SDK1: variants seen among roughly 807,000 people sequenced by gnomAD.
SDK1 encodes the protein protein sidekick-1.
Under a neutral mutation model 245.5 loss-of-function variants are expected in SDK1, and 157 were observed. The observed-to-expected ratio is 0.64, with a 90% confidence interval of 0.56 to 0.73. SDK1 has a LOEUF of 0.73. SDK1 is among the 30% of genes least tolerant of loss of function. The pLI, the probability that SDK1 is intolerant of heterozygous loss-of-function variation, is 0.00. For missense variants in SDK1, 3,583 were observed against 3,002.3 expected, an observed-to-expected ratio of 1.19 and a Z score of -4.52; for synonymous variants, 1,647 against 1,278.5, an observed-to-expected ratio of 1.29 and a Z score of -6.15.
chr7:3,651,316 A>G (rs1183543046), intron 4 of SDK1, among the ~76,000 whole-genome samples: 1 of 151,588 alleles, frequency 6.6e-6, no homozygotes, highest in Non-Finnish European at 1.5e-5. Flanking sequence ...TTAAATTTTC[A>G]CTTCTCTAAT....
At chr7:3,600,551 G>GTTTTTTT (rs368644982) in intron 1 of SDK1, among the ~76,000 whole-genome samples, 4 of 109,048 alleles carry the variant, frequency 3.7e-5, no homozygotes, top group African/African-American at 3.5e-5. Flanking sequence ...ATTAGATGTA[G>GTTTTTTT]TTTTTTTTTT....
chr7:3,347,464 A>G (rs777578630), intron 1 of SDK1, among the ~76,000 whole-genome samples: 15 of 152,244 alleles, frequency 9.9e-5, no homozygotes, highest in African/African-American at 3.4e-4. Context: ...CTTTTCACCT[A>G]TTCTCTGATT....
chr7:3,878,263 G>A (rs1175907526), intron 5 of SDK1, among the ~76,000 whole-genome samples: 3 of 152,196 alleles, frequency 2.0e-5, no homozygotes, highest in African/African-American at 7.2e-5. Context: ...GCTCACGCCT[G>A]TAATCCCAGC....
chr7:3,350,560 G>C (rs1162163732), intron 1 of SDK1, among the ~76,000 whole-genome samples: 1 of 152,088 alleles, frequency 6.6e-6, no homozygotes, highest in Non-Finnish European at 1.5e-5. Flanking sequence ...TTTTATAATT[G>C]ATTGTCTTTA....
chr7:3,812,126 AACAC>A (rs994106556), intron 4 of SDK1, among the ~76,000 whole-genome samples: 11 of 152,222 alleles, frequency 7.2e-5, no homozygotes, highest in African/African-American at 2.7e-4. Context: ...GGACAGTGTT[AACAC>A]ACACAGTAGG....
intron 1 of SDK1, among the ~76,000 whole-genome samples, chr7:3,569,680 T>C (rs910154903): frequency 1.3e-5 from 2 of 152,244 alleles, no homozygotes; most frequent in Admixed American, 6.5e-5. Context: ...CAGCCATGAC[T>C]ATAGAATTAT....
intron 26 of SDK1, among the ~76,000 whole-genome samples, chr7:4,127,781 C>T (rs1784488794): frequency 2.0e-5 from 3 of 152,266 alleles, no homozygotes; most frequent in African/African-American, 7.2e-5. Flanking sequence ...TCTGCCCTCG[C>T]TGGCCTCAGT....
intron 35 of SDK1, among the ~76,000 whole-genome samples, chr7:4,203,707 C>G (rs1050497972): frequency 2.6e-5 from 4 of 152,220 alleles, no homozygotes; most frequent in African/African-American, 4.8e-5. Context: ...TCCTGAAAGT[C>G]AGGTTCTCCT....
At chr7:3,549,049 G>C (rs939456597) in intron 1 of SDK1, among the ~76,000 whole-genome samples, 9 of 152,166 alleles carry the variant, frequency 5.9e-5, no homozygotes, top group African/African-American at 2.2e-4. Context: ...TGCATCCCTG[G>C]GAAGAACCTG....
intron 4 of SDK1, among the ~76,000 whole-genome samples, chr7:3,719,999 A>C (rs1785318371): frequency 6.6e-6 from 1 of 152,078 alleles, no homozygotes; most frequent in African/African-American, 2.4e-5. Context: ...AAGAAAGAAA[A>C]GGAAAACTCA....
At chr7:3,981,812 A>G (rs1783422043) in intron 13 of SDK1, among the ~76,000 whole-genome samples, 1 of 152,222 alleles carries the variant, frequency 6.6e-6, no homozygotes, top group South Asian at 2.1e-4. Context: ...TGTGAGATTT[A>G]AGGAAAGATG....
chr7:3,952,990 G>A (rs564624753), intron 7 of SDK1, among the ~76,000 whole-genome samples: 1 of 152,054 alleles, frequency 6.6e-6, no homozygotes, highest in African/African-American at 2.4e-5. Context: ...CCTGTGTTCC[G>A]CAGTGGTAGC....
intron 4 of SDK1, among the ~76,000 whole-genome samples, chr7:3,687,142 A>G (rs191680325): frequency 4.6e-5 from 7 of 151,106 alleles, no homozygotes; most frequent in Admixed American, 4.6e-4. Context: ...ACAAATGAAA[A>G]ATTATGTTCA....
chr7:4,142,505 T>C (rs949135569), intron 28 of SDK1, among the ~76,000 whole-genome samples: 14 of 152,142 alleles, frequency 9.2e-5, no homozygotes, highest in African/African-American at 3.1e-4. Flanking sequence ...ATTTTTGTAT[T>C]TTTAGTAGAG....
chr7:3,511,669 A>G (rs1173916860), intron 1 of SDK1, among the ~76,000 whole-genome samples: 1 of 152,098 alleles, frequency 6.6e-6, no homozygotes, highest in Non-Finnish European at 1.5e-5. Context: ...TTATTTTAAA[A>G]ATCCTTTATT....
intron 22 of SDK1, among the ~76,000 whole-genome samples, chr7:4,089,314 G>A (rs1047456188): frequency 1.3e-5 from 2 of 152,218 alleles, no homozygotes; most frequent in African/African-American, 2.4e-5. Context: ...CCCAGACCCC[G>A]ACTCAGTTCA....
intron 1 of SDK1, among the ~76,000 whole-genome samples, chr7:3,518,671 C>CAA (rs541849240): frequency 3.3e-5 from 5 of 149,480 alleles, no homozygotes; most frequent in African/African-American, 1.2e-4. Flanking sequence ...ATTAAAAAGA[C>CAA]AAAAAAAAAC....
intron 14 of SDK1, among the ~76,000 whole-genome samples, chr7:4,004,893 TTG>T (rs1785345268): frequency 6.6e-6 from 1 of 151,992 alleles, no homozygotes; most frequent in African/African-American, 2.4e-5. Flanking sequence ...ACTGGTTGTT[TTG>T]TGTCTCACTG....
chr7:4,010,752 C>T (rs1268875913), intron 14 of SDK1, among the ~76,000 whole-genome samples: 2 of 152,132 alleles, frequency 1.3e-5, no homozygotes, highest in Non-Finnish European at 2.9e-5. Flanking sequence ...TCATTGATGG[C>T]GGCACCGGGG....
Sources: allele counts gnomAD v4.1 joint callset (sites outside exome capture counted in the v4.1 genomes callset), GRCh38; gene constraint gnomAD v4.1.1; transcripts MANE v1.5; gene names NCBI Gene and HGNC (gene_info 2026-07-23, HGNC 2026-07-21).